The following TNNI3K variants were observed in gnomAD, a reference collection of about 807,000 sequenced individuals.
TNNI3K encodes TNNI3 interacting kinase.
A neutral mutation model predicts 114.5 loss-of-function variants in TNNI3K; 140 were observed. The observed-to-expected ratio is 1.22, with a 90% CI of 1.07 to 1.41. The LOEUF (loss-of-function observed/expected upper bound fraction) is 1.41. Among genes scored for constraint, TNNI3K ranks in the 40% most tolerant of loss-of-function variants. TNNI3K has a pLI of 0.00. For synonymous variants in TNNI3K, 347 were observed against 347.5 expected (o/e 1.00, Z 0.02); for missense variants, 1,125 against 1,007.6 (o/e 1.12, Z -1.58).
At chr1:74,323,640 G>T (rs1016970783) in intron 5 of TNNI3K, among the ~76,000 whole-genome samples, 1 of 151,656 alleles carries the variant, frequency 6.6e-6, no homozygotes, top group Non-Finnish European at 1.5e-5. Flanking sequence ...AGAAAAACAC[G>T]TGTGTGTGTG....
At chr1:74,290,383 G>A (rs1278546577) in intron 5 of TNNI3K, among the ~76,000 whole-genome samples, 1 of 151,492 alleles carries the variant, frequency 6.6e-6, no homozygotes, top group Non-Finnish European at 1.5e-5. Context: ...AAATACTGCT[G>A]TCAGAATTAT....
rs34656417 is a variant in TNNI3K at position 74,391,957 on chromosome 1, A to ATTTTT, written c.1772+21587_1772+21591dup. Among the ~76,000 whole-genome samples, 115 of 93,028 alleles carry ATTTTT rather than the reference A, an allele frequency of 1.2e-3. 15 individuals carry two copies. Among genetic ancestry groups the ATTTTT allele is most frequent in the African/African-American group, 3.8e-3 (97 of 25,688 alleles). 61.0% of individuals were successfully genotyped at this position (93,028 alleles called of 152,430 possible). ...TTGATTTAGGATGGTACAGCTTATT[A>ATTTTT]TTTTTTTTTTTTTTTTTTTTTTTTT... On this transcript the variant is annotated intron_variant, in intron 17 of 24. Coordinates refer to ENST00000326637, the MANE Select transcript of TNNI3K (RefSeq NM_015978.3).
chr1:74,398,786 C>T (rs1664212194), intron 17 of TNNI3K, among the ~76,000 whole-genome samples: 1 of 152,164 alleles, frequency 6.6e-6, no homozygotes, highest in Non-Finnish European at 1.5e-5. Flanking sequence ...GGGATTACCA[C>T]ACCCCTTGTT....
At chr1:74,362,485 G>T (rs1662021043) in intron 11 of TNNI3K, among the ~76,000 whole-genome samples, 1 of 152,220 alleles carries the variant, frequency 6.6e-6, no homozygotes, top group East Asian at 1.9e-4. Context: ...CTAATCTCCA[G>T]ATCTAGTTCT....
At chr1:74,361,108 T>A (rs1044338755) in intron 11 of TNNI3K, among the ~76,000 whole-genome samples, 2 of 152,148 alleles carry the variant, frequency 1.3e-5, no homozygotes, top group African/African-American at 4.8e-5. Context: ...TTTCTGTAAA[T>A]ATCATAGGTT....
intron 13 of TNNI3K, among the ~76,000 whole-genome samples, chr1:74,368,304 T>TA (rs1404098615): frequency 4.0e-5 from 6 of 151,896 alleles, no homozygotes; most frequent in African/African-American, 1.4e-4. Flanking sequence ...AAAATATATA[T>TA]TATTTTTCAA....
Position 74,439,532 on chromosome 1 carries a change from C to T in TNNI3K, c.1921C>T (p.Arg641Trp), listed in dbSNP as rs879000304. 1.9e-6 allele frequency: 3 copies of T among 1,613,428 alleles called. No homozygotes were observed. The highest frequency in any genetic ancestry group is 1.1e-5 in the South Asian group (1 of 91,058). ...TCCTGAGGTGTTCACGCAGTGCACT[C>T]GGTACACCATCAAAGCAGATGTCTT... is the stretch of plus-strand genomic sequence containing the variant. Reference protein sequence around the residue: ...MAPEVFTQCTRYTIKADVFSY... With the variant: ...MAPEVFTQCTWYTIKADVFSY... The change falls in exon 20 of 25, where the codon CGG becomes TGG. Residue 641 changes from arginine to tryptophan, a missense_variant. Arg to Trp is a moderately radical substitution (Grantham distance 101). Transcript: ENST00000326637.
chr1:74,411,273 G>T (rs1178464304), intron 17 of TNNI3K, among the ~76,000 whole-genome samples: 1 of 152,120 alleles, frequency 6.6e-6, no homozygotes, highest in East Asian at 1.9e-4. Context: ...CTATTTAACT[G>T]CTAATTATCA....
chr1:74,309,323 T>C (rs866925502), intron 5 of TNNI3K, among the ~76,000 whole-genome samples: 3 of 117,924 alleles, frequency 2.5e-5, no homozygotes, highest in Non-Finnish European at 3.3e-5. Flanking sequence ...GAGCCGAGAT[T>C]GCGCCACTGC....
rs142423652 is a variant in TNNI3K at position 74,540,319 on chromosome 1, T to C, written c.2431+6T>C. 1,348 of 1,610,426 alleles carry C rather than the reference T, an allele frequency of 8.4e-4. 10 individuals carry two copies. The African/African-American group carries it at 0.016, about 19-fold the overall frequency. On this transcript the variant is annotated splice_donor_region_variant and intron_variant, in intron 24 of 24. Coordinates refer to ENST00000326637, the MANE Select transcript of TNNI3K (RefSeq NM_015978.3). Reference sequence around the variant, plus strand: ...CACACCCATTGACAAATATGGTAAGTAGGCAGATTCTTTAGGTTTGTTAAG... The same window carrying C: ...CACACCCATTGACAAATATGGTAAGCAGGCAGATTCTTTAGGTTTGTTAAG...
At chr1:74,371,942 T>C (rs1385131907) in intron 17 of TNNI3K, 1 of 151,506 alleles carries the variant, frequency 6.6e-6, no homozygotes, top group African/African-American at 2.4e-5. Flanking sequence ...CCGGTGGCAG[T>C]GGATATGAAA....
At chr1:74,260,264 T>G (rs1317345064) in intron 4 of TNNI3K, among the ~76,000 whole-genome samples, 1 of 152,194 alleles carries the variant, frequency 6.6e-6, no homozygotes, top group South Asian at 2.1e-4. Flanking sequence ...GGACTAAGTC[T>G]TTTTCTTTGA....
chr1:74,531,310 G>A (rs1460167890), intron 23 of TNNI3K, among the ~76,000 whole-genome samples: 1 of 152,190 alleles, frequency 6.6e-6, no homozygotes, highest in African/African-American at 2.4e-5. Flanking sequence ...AAAACAGCCA[G>A]GATGAAACCA....
intron 21 of TNNI3K, among the ~76,000 whole-genome samples, chr1:74,477,275 C>G (rs1452822175): frequency 6.6e-6 from 1 of 152,118 alleles, no homozygotes; most frequent in Non-Finnish European, 1.5e-5. Context: ...TCTAATTCCT[C>G]TAACACTTAT....
intron 5 of TNNI3K, among the ~76,000 whole-genome samples, chr1:74,327,259 A>G (rs2100400819): frequency 6.6e-6 from 1 of 151,072 alleles, no homozygotes; most frequent in Non-Finnish European, 1.5e-5. Flanking sequence ...GCTCTGACTT[A>G]TTTTCTGTGC....
chr1:74,349,957 G>A (rs1255622635), intron 9 of TNNI3K, among the ~76,000 whole-genome samples: 2 of 152,036 alleles, frequency 1.3e-5, no homozygotes, highest in Admixed American at 1.3e-4. Flanking sequence ...AGGGTTTTTT[G>A]TGTCTCCATT....
At chr1:74,461,822 T>G (rs962455365) in intron 20 of TNNI3K, among the ~76,000 whole-genome samples, 118 of 152,306 alleles carry the variant, frequency 7.7e-4, no homozygotes, top group African/African-American at 2.8e-3. Flanking sequence ...ATGAATAATC[T>G]ATGAAATCTG....
intron 5 of TNNI3K, among the ~76,000 whole-genome samples, chr1:74,322,195 A>T (rs947635096): frequency 7.2e-5 from 11 of 152,186 alleles, no homozygotes; most frequent in Non-Finnish European, 1.2e-4. Flanking sequence ...TGATTGAGAG[A>T]TTGACCCCAA....
intron 6 of TNNI3K, 130 bp downstream of exon 6, chr1:74,331,678 C>A: frequency 1.3e-6 from 1 of 750,490 alleles, no homozygotes; most frequent in Non-Finnish European, 2.0e-6. Flanking sequence ...CTCATCAACC[C>A]ATCCTTGAGG....
Sources: gnomAD v4.1 joint callset for allele counts (sites outside exome capture counted in the v4.1 genomes callset) on GRCh38, gnomAD v4.1.1 for gene constraint, MANE v1.5 for transcripts, NCBI Gene and HGNC (gene_info 2026-07-23, HGNC 2026-07-21) for gene names.